Variants in MAP3K11 observed in about 807,000 individuals in gnomAD.
The protein encoded by MAP3K11 is SH3 domain-containing proline-rich kinase.
Under a neutral mutation model 84.9 loss-of-function variants are expected in MAP3K11, and 46 were observed. The ratio of observed to expected loss-of-function variants is 0.54; its 90% CI spans 0.43 to 0.69. The LOEUF (loss-of-function observed/expected upper bound fraction) is 0.69, where lower values mean the gene tolerates loss of function less well. Ranked by LOEUF, MAP3K11 falls within the 30% of genes least tolerant of loss-of-function variation. The probability of loss-of-function intolerance (pLI) is 0.00; values close to 1 mark genes in which losing one functional copy is unlikely to be tolerated. For missense variants in MAP3K11, 1,053 were observed against 1,198.3 expected (o/e 0.88, Z 1.79); for synonymous variants, 527 against 514.7 (o/e 1.02, Z -0.32).
At chr11:65,608,603 C>G (rs1190456572) in intron 1 of MAP3K11, 155 bp from the exon 2 acceptor site, 6 of 608,986 alleles carry the variant, frequency 9.9e-6, no homozygotes, top group Non-Finnish European at 1.7e-5. Context: ...TGAGGTCAGA[C>G]ATTTCTTTTC....
chr11:65,604,783 G>C (rs1001145843), intron 8 of MAP3K11, among the ~76,000 whole-genome samples: 2 of 152,214 alleles, frequency 1.3e-5, no homozygotes, highest in Non-Finnish European at 2.9e-5. Flanking sequence ...TCTTCTGAGA[G>C]CAGCTAAGCG....
intron 8 of MAP3K11, among the ~76,000 whole-genome samples, chr11:65,600,316 C>G (rs1432257838): frequency 6.6e-6 from 1 of 152,162 alleles, no homozygotes; most frequent in African/African-American, 2.4e-5. Flanking sequence ...AAATGAGGTT[C>G]AGAGGGGTCA....
intron 1 of MAP3K11, chr11:65,610,817 G>A (rs768169186): frequency 1.3e-5 from 2 of 152,250 alleles, no homozygotes; most frequent in Non-Finnish European, 2.9e-5. Flanking sequence ...CTCACCCAAA[G>A]TTTCAGGACT....
rs992977399 is a variant in MAP3K11, at chr11:65,608,538, C to T, written c.740-90G>A. The T allele has an allele frequency of 1.1e-5, 14 of 1,241,556 alleles. No homozygotes were observed. In the African/African-American group the frequency reaches 1.8e-4, roughly 16 times the overall value. 76.9% of individuals were successfully genotyped at this position (1,241,556 alleles called of 1,614,324 possible). On this transcript the variant is annotated intron_variant, in intron 1 of 9. Coordinates refer to ENST00000309100, the MANE Select transcript of MAP3K11 (RefSeq NM_002419.4). ...GGAGCAAACTCATCTGACGGACATC[C>T]TGGCTGGGTCCTGGGGGCACAGAGG...
chr11:65,598,459 T>C lies in MAP3K11; in HGVS notation c.2376A>G (p.Pro792=), dbSNP rs749745269. Residue 792 remains proline (P), a synonymous_variant, in exon 10 of 10, where the codon CCA becomes CCG. Coordinates refer to ENST00000309100, the MANE Select transcript of MAP3K11 (RefSeq NM_002419.4). ...CTCGGCGGGGTGCAGGCTGTGGTGA[T>C]GGCAGGGGAGAAGGCCGTGGCCCAG... ...VSAGPRPSPL[P]SPQPAPRRAP... is the part of the protein sequence containing the mutation. 7 of 1,612,536 alleles carry C rather than the reference T, an allele frequency of 4.3e-6. No homozygotes were observed. The East Asian group carries it at 8.9e-5, about 21-fold the overall frequency.
chr11:65,602,518 T>C (rs1272536028), intron 8 of MAP3K11, among the ~76,000 whole-genome samples: 3 of 151,536 alleles, frequency 2.0e-5, no homozygotes, highest in Non-Finnish European at 4.4e-5. Context: ...TTGTGGCACA[T>C]GCCTGTAATC....
In MAP3K11 at chr11:65,607,293, C is replaced by A; in HGVS notation, c.1466G>T (p.Gly489Val). 6.6e-7 allele frequency: 1 copy of A among 1,521,960 alleles called. No individual in the cohort carries two copies. The allele number at this position is 1,521,960 out of a possible 1,614,324, so 94.3% of individuals were successfully genotyped here. Reference sequence around the variant, plus strand: ...ACCGAGTGGCATGCTGATACGCTCGCCGCCGTCGCGCGCCCGGAGCTTGCT... The same window carrying A: ...ACCGAGTGGCATGCTGATACGCTCGACGCCGTCGCGCGCCCGGAGCTTGCT... ...KRSKLRARDG[G>V]ERISMPLDFK... The change falls in exon 5 of 10, where the codon GGC becomes GTC. Residue 489 changes from glycine (G) to valine (V), a missense_variant. Physicochemically the swap from Gly to Val is moderately radical, Grantham distance 109. This residue lies in a region of MAP3K11 where 583 missense variants were observed against 566.6 expected (regional missense o/e 1.03). Transcript: ENST00000309100.
intron 9 of MAP3K11, 41 bp from the exon 10 acceptor site, chr11:65,598,669 A>C: frequency 7.1e-7 from 1 of 1,401,346 alleles, no homozygotes; most frequent in African/African-American, 1.4e-5. Context: ...AGCAACCCCC[A>C]ACTGCTGAGG....
chr11:65,606,408 C>T lies in MAP3K11; in HGVS notation c.1603+283G>A, dbSNP rs1854508391. ...TTCTCATCCATAAAACTTAAATTAACAACAAAAATAACTACCAAATAGAAT... is the reference window on the plus strand; with the variant it reads ...TTCTCATCCATAAAACTTAAATTAATAACAAAAATAACTACCAAATAGAAT... On this transcript the variant is annotated intron_variant, in intron 6 of 9. Transcript: ENST00000309100. The T allele has an allele frequency of 9.5e-6, 4 of 421,284 alleles. No individual in the cohort carries two copies. In the East Asian group the frequency reaches 1.5e-4, roughly 16 times the overall value. 26.1% of individuals were successfully genotyped at this position (421,284 alleles called of 1,614,324 possible).
intron 6 of MAP3K11, chr11:65,606,304 C>G: frequency 4.1e-6 from 2 of 490,034 alleles, no homozygotes; most frequent in South Asian, 7.8e-5. Context: ...GTAATTAGTA[C>G]AGACACTGAC....
chr11:65,601,526 G>A (rs1854455051), intron 8 of MAP3K11, among the ~76,000 whole-genome samples: 1 of 152,136 alleles, frequency 6.6e-6, no homozygotes, highest in African/African-American at 2.4e-5. Flanking sequence ...GGAGGCCCAG[G>A]TGGGATGATC....
At chr11:65,603,906 T>C (rs536184777) in intron 8 of MAP3K11, among the ~76,000 whole-genome samples, 1 of 152,378 alleles carries the variant, frequency 6.6e-6, no homozygotes, top group African/African-American at 2.4e-5. Flanking sequence ...AATTTCATAT[T>C]GTGGGAGCAT....
intron 8 of MAP3K11, among the ~76,000 whole-genome samples, chr11:65,601,660 G>A (rs1348306554): frequency 1.3e-5 from 2 of 151,886 alleles, no homozygotes; most frequent in Non-Finnish European, 2.9e-5. Context: ...AGAGGCTGAG[G>A]CAGGAGAATG....
rs1442182093 is a variant in MAP3K11, at chr11:65,611,993, A to AG, written c.739+1024dup. On this transcript the variant is annotated intron_variant, in intron 1 of 9. Coordinates refer to ENST00000309100, the MANE Select transcript of MAP3K11 (RefSeq NM_002419.4). Reference sequence around the variant, plus strand: ...GGGGCTCAGCACTCTGTTTCCTGCAAGCCCCTTGTCCATGGTCAGCCCAGG... The same window carrying AG: ...GGGGCTCAGCACTCTGTTTCCTGCAAGGCCCCTTGTCCATGGTCAGCCCAGG... 15 of 152,230 alleles carry AG rather than the reference A, an allele frequency of 9.9e-5. 1 individual carries two copies. The highest frequency in any genetic ancestry group is 1.5e-5 in the Non-Finnish European group (1 of 68,078). The allele number at this position is 152,230 out of a possible 1,614,324, so 9.4% of individuals were successfully genotyped here.
chr11:65,609,615 G>A (rs746845515), intron 1 of MAP3K11: 2 of 152,246 alleles, frequency 1.3e-5, no homozygotes, highest in Admixed American at 1.3e-4. Context: ...GGTCTGAAGG[G>A]CCCCTCTACT....
In MAP3K11 at chr11:65,608,457, G is replaced by C; in HGVS notation, c.740-9C>G. ...GGGCTGCAGCAGCAAAACTAGAGAA[G>C]AGGGGCCAGATTGTGGATGCTCCAG... On this transcript the variant is annotated splice_polypyrimidine_tract_variant and intron_variant, in intron 1 of 9. Coordinates refer to ENST00000309100, the MANE Select transcript of MAP3K11 (RefSeq NM_002419.4). The C allele has an allele frequency of 6.2e-7, 1 of 1,613,858 alleles. No individual in the cohort carries two copies. The highest frequency in any genetic ancestry group is 8.5e-7 in the Non-Finnish European group (1 of 1,179,780).
intron 1 of MAP3K11, chr11:65,608,764 G>A (rs1854541253): frequency 7.6e-6 from 2 of 263,976 alleles, no homozygotes; most frequent in Admixed American, 5.0e-5. Context: ...TTATGGGCAT[G>A]TGCCACCACG....
Position 65,606,791 on chromosome 11 carries a change from G to A in MAP3K11, c.1503C>T (p.Arg501=). The A allele has an allele frequency of 6.2e-7, 1 of 1,604,618 alleles. No individual in the cohort carries two copies. The highest frequency in any genetic ancestry group is 1.3e-5 in the African/African-American group (1 of 74,456). Residue 501 remains arginine (R), a synonymous_variant, in exon 6 of 10, where the codon CGC becomes CGT. Coordinates refer to ENST00000309100, the MANE Select transcript of MAP3K11 (RefSeq NM_002419.4). ...RISMPLDFKH[R]ITVQASPGLD... ...GGCCGGGTGAGGCCTGCACGGTGAT[G>A]CGGTGCTTGAAGTCTGGGATTTGGG...
chr11:65,605,819 G>A lies in MAP3K11; in HGVS notation c.1773C>T (p.Tyr591=). The change falls in exon 8 of 10, where the codon TAC becomes TAT. Residue 591 remains tyrosine, a synonymous_variant. Transcript: ENST00000309100. ...AGGGGGATGAGTCATCTGAATCCAG[G>A]TACCATGTGGCTTCGTCCATGCGGG... is the stretch of plus-strand genomic sequence containing the variant. ...RRSRMDEATW[Y]LDSDDSSPLG... The A allele has an allele frequency of 6.2e-7, 1 of 1,613,186 alleles. No individual in the cohort carries two copies. The highest frequency in any genetic ancestry group is 8.5e-7 in the Non-Finnish European group (1 of 1,179,566).
Sources: allele counts gnomAD v4.1 joint callset (sites outside exome capture counted in the v4.1 genomes callset), GRCh38; gene constraint gnomAD v4.1.1; regional missense constraint gnomAD v4.1.1; transcripts MANE v1.5; gene names NCBI Gene and HGNC (gene_info 2026-07-23, HGNC 2026-07-21).